The following FAF1 variants were observed in gnomAD, a reference collection of about 807,000 sequenced individuals.
FAF1 encodes Fas associated factor 1.
Under a neutral mutation model 92.5 loss-of-function variants are expected in FAF1, and 25 were observed. The observed-to-expected ratio is 0.27, with a 90% CI of 0.20 to 0.38. The LOEUF (loss-of-function observed/expected upper bound fraction) is 0.38. Among genes scored for constraint, FAF1 ranks in the 10% least tolerant of loss-of-function variants. The pLI is 1.00. For synonymous variants in FAF1, 234 were observed against 273.2 expected, an observed-to-expected ratio of 0.86 and a Z score of 1.42; for missense variants, 636 against 793.3, an observed-to-expected ratio of 0.80 and a Z score of 2.38.
intron 1 of FAF1, among the ~76,000 whole-genome samples, chr1:50,887,227 G>C (rs1033846440): frequency 2.0e-5 from 3 of 152,110 alleles, no homozygotes; most frequent in Non-Finnish European, 4.4e-5. Context: ...TGATGGGGTT[G>C]TTGTTTTCTT....
In FAF1 at chr1:50,792,335, T is replaced by C. The variant is rs144448396; in HGVS notation, c.162-4130A>G. Among the ~76,000 whole-genome samples, 144 of 152,352 alleles carry C rather than the reference T, an allele frequency of 9.5e-4. 1 individual carries two copies. The East Asian group carries it at 0.023, about 25-fold the overall frequency. ...TTTAATTTTGCAGATTGTAGAATTATGGTGAAAGTTGAATAAACATACTTT... is the reference window on the plus strand; with the variant it reads ...TTTAATTTTGCAGATTGTAGAATTACGGTGAAAGTTGAATAAACATACTTT... On this transcript the variant is annotated intron_variant, in intron 3 of 18. Coordinates refer to ENST00000396153, the MANE Select transcript of FAF1 (RefSeq NM_007051.3).
intron 1 of FAF1, among the ~76,000 whole-genome samples, chr1:50,908,471 G>A (rs1644857544): frequency 1.3e-5 from 2 of 152,134 alleles, no homozygotes; most frequent in South Asian, 4.1e-4. Flanking sequence ...TGATAGTGGG[G>A]TGTTAAAGTC....
intron 15 of FAF1, among the ~76,000 whole-genome samples, chr1:50,499,729 C>T (rs1458057933): frequency 6.6e-6 from 1 of 152,130 alleles, no homozygotes; most frequent in East Asian, 1.9e-4. Flanking sequence ...CCCCTTCCCT[C>T]CCCTTCCTCC....
chr1:50,554,390 T>TAGAGAGAGAGAGAGAGAGAGAG (rs34360366), intron 13 of FAF1, among the ~76,000 whole-genome samples: 20 of 93,672 alleles, frequency 2.1e-4, no homozygotes, highest in African/African-American at 7.6e-4. Context: ...TATATATATA[T>TAGAGAGAGAGAGAGAGAGAGAG]AGAGAGAGAG....
intron 2 of FAF1, among the ~76,000 whole-genome samples, chr1:50,807,401 G>T (rs934814582): frequency 3.7e-4 from 56 of 152,366 alleles, no homozygotes; most frequent in African/African-American, 1.3e-3. Flanking sequence ...GGGCGAAGGG[G>T]AAGCAAGCAC....
At chr1:50,643,977 C>T (rs1327767896) in intron 8 of FAF1, among the ~76,000 whole-genome samples, 1 of 152,164 alleles carries the variant, frequency 6.6e-6, no homozygotes, top group Non-Finnish European at 1.5e-5. Context: ...TGAGCACTTT[C>T]ATAGCATTTA....
At position 50,583,070 on chromosome 1, in the gene FAF1, G is replaced by A. The variant is rs1558004064; in HGVS notation, c.1032-371C>T. On this transcript the variant is annotated intron_variant, in intron 11 of 18. Coordinates refer to ENST00000396153, the MANE Select transcript of FAF1 (RefSeq NM_007051.3). This position sits in a 1 kb window ranked among gnomAD's most constrained non-coding sequence, Gnocchi z 4.2. ...AGAATTCCAATAGAAGGAAAAAACT[G>A]TTTCTTTTAAAAGTCTCCATATTAT... is the stretch of plus-strand genomic sequence containing the variant. Among the ~76,000 whole-genome samples the A allele has an allele frequency of 6.6e-6, 1 of 151,782 alleles. No homozygotes were observed. Among genetic ancestry groups the A allele is most frequent in the Non-Finnish European group, 1.5e-5 (1 of 67,876 alleles).
intron 8 of FAF1, among the ~76,000 whole-genome samples, chr1:50,621,023 G>A (rs1382636871): frequency 2.0e-5 from 3 of 152,236 alleles, no homozygotes; most frequent in African/African-American, 7.2e-5. Flanking sequence ...CCAGCCCTGT[G>A]GAGGGAGGCA....
intron 6 of FAF1, among the ~76,000 whole-genome samples, chr1:50,728,965 C>T (rs1244684180): frequency 6.8e-6 from 1 of 146,204 alleles, no homozygotes; most frequent in Non-Finnish European, 1.5e-5. Flanking sequence ...GAAAAAAAGT[C>T]ATTAAATAGT....
In FAF1 at chr1:50,582,786, T is replaced by G; in HGVS notation, c.1032-87A>C. Reference sequence around the variant, plus strand: ...GTCTAATCAATGACTTTTAAGTAAATGTTGGGGCTAATGTCTAGTGCATAC... The same window carrying G: ...GTCTAATCAATGACTTTTAAGTAAAGGTTGGGGCTAATGTCTAGTGCATAC... On this transcript the variant is annotated intron_variant, in intron 11 of 18. Transcript: ENST00000396153. 8.2e-6 allele frequency: 7 copies of G among 850,470 alleles called. No individual in the cohort carries two copies. In the South Asian group the frequency reaches 9.6e-5, roughly 12 times the overall value. The allele number at this position is 850,470 out of a possible 1,614,324, so 52.7% of individuals were successfully genotyped here. A position where few individuals can be genotyped will look rare whatever the true frequency, so the allele number is the denominator to read the frequency against.
At chr1:50,627,265 A>G (rs2124195882) in intron 8 of FAF1, among the ~76,000 whole-genome samples, 1 of 152,296 alleles carries the variant, frequency 6.6e-6, no homozygotes, top group African/African-American at 2.4e-5. Context: ...TGAGTCTTAA[A>G]GAACTCCTAT....
chr1:50,738,443 C>CAAAA (rs533056212), intron 6 of FAF1, among the ~76,000 whole-genome samples: 4 of 79,026 alleles, frequency 5.1e-5, no homozygotes, highest in Admixed American at 1.5e-4. Flanking sequence ...AACTCCGTCG[C>CAAAA]AAAAAAAAAA....
At chr1:50,714,856 T>C in intron 6 of FAF1, 1 of 230,852 alleles carries the variant, frequency 4.3e-6, no homozygotes, top group South Asian at 5.6e-5. Flanking sequence ...CAGACACAGC[T>C]TGATTTCAGA....
At chr1:50,765,235 A>G (rs1660517170) in intron 4 of FAF1, among the ~76,000 whole-genome samples, 1 of 152,250 alleles carries the variant, frequency 6.6e-6, no homozygotes, top group Non-Finnish European at 1.5e-5. Flanking sequence ...TTAGTTGGCT[A>G]CACTCCAATA....
chr1:50,558,871 T>C (rs1234579221), intron 13 of FAF1, among the ~76,000 whole-genome samples: 1 of 152,146 alleles, frequency 6.6e-6, no homozygotes, highest in East Asian at 1.9e-4. Context: ...TAGTACTAGG[T>C]AGGAGTGTAG....
At position 50,719,120 on chromosome 1, in the gene FAF1, T is replaced by A. The variant is rs561771245; in HGVS notation, c.552-13229A>T. Among the ~76,000 whole-genome samples the A allele has an allele frequency of 1.8e-4, 28 of 152,336 alleles. 1 individual carries two copies. In the South Asian group the frequency reaches 5.0e-3, roughly 27 times the overall value. The stretch of plus-strand genomic sequence containing the variant: ...GATGTTTACATTAGATTGTATTTCA[T>A]TCAGGATTTTTAAATTGTCTCAGGA... On this transcript the variant is annotated intron_variant, in intron 6 of 18. Coordinates refer to ENST00000396153, the MANE Select transcript of FAF1 (RefSeq NM_007051.3).
chr1:50,780,074 A>C (rs780205108), intron 4 of FAF1, among the ~76,000 whole-genome samples: 24 of 152,030 alleles, frequency 1.6e-4, no homozygotes, highest in Non-Finnish European at 2.9e-4. Flanking sequence ...AAAACATATA[A>C]GAAAATGTTG....
At chr1:50,656,683 G>A (rs1655127843) in intron 7 of FAF1, among the ~76,000 whole-genome samples, 1 of 152,026 alleles carries the variant, frequency 6.6e-6, no homozygotes, top group Non-Finnish European at 1.5e-5. Flanking sequence ...AGGTGTTCAA[G>A]ACCAGCCTGG....
intron 8 of FAF1, among the ~76,000 whole-genome samples, chr1:50,628,153 C>A (rs1422277365): frequency 6.6e-6 from 1 of 151,992 alleles, no homozygotes; most frequent in Non-Finnish European, 1.5e-5. Context: ...AGATGAGAGA[C>A]TTGCCATGTT....
Sources: gnomAD v4.1 joint callset for allele counts (sites outside exome capture counted in the v4.1 genomes callset) on GRCh38, gnomAD v4.1.1 for gene constraint, Gnocchi (gnomAD v3.1) non-coding constraint, MANE v1.5 for transcripts, NCBI Gene and HGNC (gene_info 2026-07-23, HGNC 2026-07-21) for gene names.